SUGCT: variants seen among roughly 807,000 people sequenced by gnomAD.
SUGCT encodes the protein succinyl-CoA:glutarate CoA-transferase.
In SUGCT, 41 loss-of-function variants were observed where a neutral mutation model predicts 55.0. The ratio of observed to expected loss-of-function variants is 0.74; its 90% CI spans 0.58 to 0.97. The LOEUF (loss-of-function observed/expected upper bound fraction) is 0.97, where lower values mean the gene tolerates loss of function less well. Ranked by LOEUF, SUGCT falls within the 50% of genes least tolerant of loss-of-function variation. The probability of loss-of-function intolerance (pLI) is 0.00; values close to 1 mark genes in which losing one functional copy is unlikely to be tolerated. For missense variants in SUGCT, 568 were observed against 547.8 expected, an observed-to-expected ratio of 1.04 and a Z score of -0.37; for synonymous variants, 187 against 200.4, an observed-to-expected ratio of 0.93 and a Z score of 0.56.
intron 8 of SUGCT, among the ~76,000 whole-genome samples, chr7:40,303,347 C>A (rs1043470765): frequency 1.3e-5 from 2 of 152,114 alleles, no homozygotes; most frequent in Non-Finnish European, 2.9e-5. Flanking sequence ...AAAGCTGTTT[C>A]TATAAAGTAA....
intron 13 of SUGCT, among the ~76,000 whole-genome samples, chr7:40,799,279 T>G (rs1350889768): frequency 6.6e-6 from 1 of 152,234 alleles, no homozygotes; most frequent in Admixed American, 6.5e-5. Context: ...CTTTTCTTTT[T>G]CTTTTTTAAC....
At chr7:40,330,405 T>A (rs1159192884) in intron 9 of SUGCT, among the ~76,000 whole-genome samples, 1 of 152,048 alleles carries the variant, frequency 6.6e-6, no homozygotes, top group Non-Finnish European at 1.5e-5. Flanking sequence ...CTAGGAAAGG[T>A]CCTGTTAACA....
chr7:40,748,540 A>AT (rs1286056959), intron 12 of SUGCT, among the ~76,000 whole-genome samples: 3 of 151,260 alleles, frequency 2.0e-5, no homozygotes, highest in Admixed American at 6.6e-5. Context: ...TTTTTTTATG[A>AT]TTTTTGTTGT....
intron 9 of SUGCT, among the ~76,000 whole-genome samples, chr7:40,444,981 T>A (rs1788734580): frequency 6.6e-6 from 1 of 152,212 alleles, no homozygotes; most frequent in Non-Finnish European, 1.5e-5. Context: ...ATGGAGGTAA[T>A]CATGTGGTTT....
At chr7:40,956,136 G>A in the SUGCT span, among the ~76,000 whole-genome samples, 1 of 152,158 alleles carries the variant, frequency 6.6e-6, no homozygotes, top group Non-Finnish European at 1.5e-5. Flanking sequence ...GATCATGCTG[G>A]CCTCACAAAA....
At chr7:40,687,731 T>A (rs79169001) in intron 12 of SUGCT, among the ~76,000 whole-genome samples, 2,708 of 152,294 alleles carry the variant, frequency 0.018, 30 homozygotes, top group Admixed American at 0.03. Flanking sequence ...AATCTCTAGA[T>A]GAGAAGCAAG....
chr7:40,712,402 C>T (rs1346089061), intron 12 of SUGCT, among the ~76,000 whole-genome samples: 1 of 152,158 alleles, frequency 6.6e-6, no homozygotes, highest in Non-Finnish European at 1.5e-5. Context: ...TGGAAAGCAG[C>T]ATATATCTCA....
At chr7:40,975,857 G>A in the SUGCT span, among the ~76,000 whole-genome samples, 5 of 152,188 alleles carry the variant, frequency 3.3e-5, no homozygotes, top group East Asian at 1.9e-4. Flanking sequence ...AGAAGAGGAC[G>A]TTTTTGAGAA....
At chr7:41,013,547 T>A in the SUGCT span, among the ~76,000 whole-genome samples, 441 of 152,138 alleles carry the variant, frequency 2.9e-3, 2 homozygotes, top group Non-Finnish European at 5.3e-3. Context: ...TGTCCGTGGG[T>A]TCGTTTGAAT....
intron 13 of SUGCT, among the ~76,000 whole-genome samples, chr7:40,773,778 G>A (rs139671140): frequency 9.3e-4 from 142 of 152,258 alleles, no homozygotes; most frequent in African/African-American, 3.2e-3. Flanking sequence ...GCACCCCCAT[G>A]GAGAAAGTTG....
chr7:40,264,453 T>C (rs1019809458), intron 7 of SUGCT, among the ~76,000 whole-genome samples: 1 of 152,164 alleles, frequency 6.6e-6, no homozygotes, highest in Non-Finnish European at 1.5e-5. Flanking sequence ...AGAGTGTGTG[T>C]TTGGAACAGA....
intron 9 of SUGCT, among the ~76,000 whole-genome samples, chr7:40,395,263 C>T (rs1201537085): frequency 2.6e-5 from 4 of 151,738 alleles, no homozygotes; most frequent in South Asian, 2.1e-4. Context: ...CTGAGGCAGG[C>T]GGATTGCCTG....
the SUGCT span, among the ~76,000 whole-genome samples, chr7:40,977,974 C>A: frequency 7.2e-5 from 11 of 152,246 alleles, 1 homozygote; most frequent in South Asian, 2.3e-3. Context: ...CTTGGGGCTG[C>A]GATTCAATTT....
intron 12 of SUGCT, among the ~76,000 whole-genome samples, chr7:40,671,505 AGTT>A (rs1205407200): frequency 3.3e-5 from 5 of 152,316 alleles, no homozygotes; most frequent in African/African-American, 1.2e-4. Context: ...CTAAAGATTG[AGTT>A]CAACAAGTTA....
rs955734906 is a variant in SUGCT, at chr7:40,470,851, A to T, written c.986+11653A>T. On this transcript the variant is annotated intron_variant, in intron 11 of 13. Transcript: ENST00000335693. ...CTTAAATCTCTAAATTTATAAATTT[A>T]CATTTTCCTTTTTAAATGATTTTTC... 2.6e-5 allele frequency among the ~76,000 whole-genome samples: 4 copies of T among 152,120 alleles called. No homozygotes were observed. In the East Asian group the frequency reaches 7.7e-4, roughly 29 times the overall value.
chr7:40,903,885 T>C, the SUGCT span, among the ~76,000 whole-genome samples: 1 of 152,164 alleles, frequency 6.6e-6, no homozygotes, highest in Non-Finnish European at 1.5e-5. Context: ...TGACCTTGTG[T>C]CTTCTGCTCA....
chr7:40,936,504 C>A, the SUGCT span, among the ~76,000 whole-genome samples: 2 of 151,710 alleles, frequency 1.3e-5, no homozygotes, highest in African/African-American at 4.8e-5. Flanking sequence ...TCAGGTCTGG[C>A]TAAAGGCTTA....
chr7:40,164,165 G>A (rs892093862), intron 1 of SUGCT, among the ~76,000 whole-genome samples: 6 of 147,194 alleles, frequency 4.1e-5, no homozygotes, highest in African/African-American at 1.5e-4. Flanking sequence ...GTTCTGTCAT[G>A]CAGACTGGAG....
chr7:40,826,511 G>A lies in SUGCT; in HGVS notation c.1154-33805G>A, dbSNP rs562423996. Among the ~76,000 whole-genome samples, 11 of 152,264 alleles carry A rather than the reference G, an allele frequency of 7.2e-5. No individual in the cohort carries two copies. In the South Asian group the frequency reaches 2.3e-3, roughly 32 times the overall value. On this transcript the variant is annotated intron_variant, in intron 13 of 13. Transcript: ENST00000335693. ...TGGAGAATGGGAGTAATCTGTGGAAGGTATTTGAGTTTGCTATAAACATTT... is the reference window on the plus strand; with the variant it reads ...TGGAGAATGGGAGTAATCTGTGGAAAGTATTTGAGTTTGCTATAAACATTT...
Sources: gnomAD v4.1 joint callset for allele counts (sites outside exome capture counted in the v4.1 genomes callset) on GRCh38, gnomAD v4.1.1 for gene constraint, MANE v1.5 for transcripts, NCBI Gene and HGNC (gene_info 2026-07-23, HGNC 2026-07-21) for gene names.